The following APPL1 variants were observed in gnomAD, a reference collection of about 807,000 sequenced individuals.
The protein encoded by APPL1 is DCC-interacting protein 13-alpha.
APPL1 carries 42 observed loss-of-function variants against 106.8 expected under a neutral mutation model. That is an observed-to-expected ratio of 0.39 (90% CI 0.31 to 0.51). The LOEUF (loss-of-function observed/expected upper bound fraction) is 0.51, where lower values mean the gene tolerates loss of function less well. Ranked by LOEUF, APPL1 falls within the 20% of genes least tolerant of loss-of-function variation. The pLI is 0.75. For synonymous variants in APPL1, 263 were observed against 281.8 expected, an observed-to-expected ratio of 0.93 and a Z score of 0.67; for missense variants, 769 against 858.2, an observed-to-expected ratio of 0.90 and a Z score of 1.30.
chr3:57,236,185 C>T (rs576447941), intron 2 of APPL1, among the ~76,000 whole-genome samples: 17 of 152,090 alleles, frequency 1.1e-4, no homozygotes, highest in African/African-American at 4.1e-4. Flanking sequence ...GCTGGGATTA[C>T]AGGCATGCAC....
At chr3:57,260,087 T>G in intron 17 of APPL1, 30 bp from the exon 18 acceptor site, 1 of 1,605,738 alleles carries the variant, frequency 6.2e-7, no homozygotes, top group Non-Finnish European at 8.5e-7. Flanking sequence ...AATTAAAATT[T>G]GTTTTCCAAT....
At position 57,227,740 on chromosome 3, in the gene APPL1, C is replaced by T. The variant is rs554193687; in HGVS notation, c.-144C>T. On this transcript the variant is annotated 5_prime_UTR_variant, in exon 1 of 22. Transcript: ENST00000288266. Reference sequence around the variant, plus strand: ...GGGCGGGATTTCCCGCACGGCCGCTCGGCGCCTGGAGAAGGCTGTGCGGGC... The same window carrying T: ...GGGCGGGATTTCCCGCACGGCCGCTTGGCGCCTGGAGAAGGCTGTGCGGGC... The T allele has an allele frequency of 2.2e-3, 1,407 of 649,572 alleles. 6 individuals are homozygous for T. The highest frequency in any genetic ancestry group is 2.8e-3 in the Non-Finnish European group (1,272 of 455,632). The allele number at this position is 649,572 out of a possible 1,614,324, so 40.2% of individuals were successfully genotyped here.
chr3:57,258,252 G>A (rs1349227689), intron 15 of APPL1, among the ~76,000 whole-genome samples: 3 of 152,064 alleles, frequency 2.0e-5, no homozygotes, highest in Non-Finnish European at 4.4e-5. Flanking sequence ...TGACCTTCTG[G>A]GCTCAAGGGA....
chr3:57,240,472 C>G lies in APPL1; in HGVS notation c.293C>G (p.Ser98Cys). The G allele has an allele frequency of 6.2e-7, 1 of 1,613,644 alleles. No homozygotes were observed. The highest frequency in any genetic ancestry group is 8.5e-7 in the Non-Finnish European group (1 of 1,179,702). ...TGGTCTTTCTTTTTCTAGCTTAGCT[C>G]TTGTCATGCAGTGCTTTCAACTCAA... ...QFSKVIDELS[S>C]CHAVLSTQLA... The change falls in exon 5 of 22, where the codon TCT becomes TGT. Residue 98 changes from serine (S) to cysteine (C), a missense_variant. Ser to Cys is a moderately radical substitution (Grantham distance 112, BLOSUM62 -1). Coordinates refer to ENST00000288266, the MANE Select transcript of APPL1 (RefSeq NM_012096.3).
chr3:57,266,840 G>GCT (rs1437692165), intron 19 of APPL1, among the ~76,000 whole-genome samples: 1 of 152,114 alleles, frequency 6.6e-6, no homozygotes, highest in Non-Finnish European at 1.5e-5. Flanking sequence ...ACCATTTATT[G>GCT]AAGAGGATAT....
chr3:57,263,177 A>T (rs1226658963), intron 19 of APPL1, among the ~76,000 whole-genome samples: 1 of 152,132 alleles, frequency 6.6e-6, no homozygotes, highest in African/African-American at 2.4e-5. Context: ...GCAGTACATG[A>T]AATATTTTGC....
intron 11 of APPL1, among the ~76,000 whole-genome samples, chr3:57,251,450 A>G (rs2107604606): frequency 6.6e-6 from 1 of 150,520 alleles, no homozygotes; most frequent in Admixed American, 6.6e-5. Flanking sequence ...GCTTGAACCC[A>G]GGAGGCAGAG....
chr3:57,229,263 TG>T (rs2060671882), intron 1 of APPL1, among the ~76,000 whole-genome samples: 1 of 152,216 alleles, frequency 6.6e-6, no homozygotes, highest in Non-Finnish European at 1.5e-5. Context: ...AGGTGTACTT[TG>T]TCATTTTACT....
chr3:57,239,886 T>C (rs577390086), intron 4 of APPL1, among the ~76,000 whole-genome samples: 4 of 152,302 alleles, frequency 2.6e-5, no homozygotes, highest in South Asian at 2.1e-4. Context: ...TTAAAAATTA[T>C]GGCCATCTGA....
At chr3:57,233,540 C>G (rs6784630) in intron 1 of APPL1, among the ~76,000 whole-genome samples, 55,651 of 150,980 alleles carry the variant, frequency 0.37, 12,170 homozygotes, top group East Asian at 0.85. Flanking sequence ...AAGAATGGCA[C>G]TAGCCAAACA....
chr3:57,252,903 T>C (rs1395836883), intron 12 of APPL1, among the ~76,000 whole-genome samples: 1 of 152,222 alleles, frequency 6.6e-6, no homozygotes, highest in Non-Finnish European at 1.5e-5. Flanking sequence ...CTTAGCTTGA[T>C]TTTTAGCCTT....
chr3:57,256,379 T>A (rs899359731), intron 13 of APPL1, among the ~76,000 whole-genome samples: 5 of 152,232 alleles, frequency 3.3e-5, no homozygotes, highest in Non-Finnish European at 5.9e-5. Flanking sequence ...AAAGTATTTC[T>A]TATGGAAAGC....
chr3:57,247,381 TC>T lies in APPL1; in HGVS notation c.622-10del. ...TTTTGTATTGTTCAATTCCCCCCAC[TC>T]CCCACTCTCCAGATAAGTTTCTTTA... On this transcript the variant is annotated splice_polypyrimidine_tract_variant and intron_variant, in intron 8 of 21. Coordinates refer to ENST00000288266, the MANE Select transcript of APPL1 (RefSeq NM_012096.3). 6.5e-7 allele frequency: 1 copy of T among 1,536,268 alleles called. No homozygotes were observed. Among genetic ancestry groups the T allele is most frequent in the Non-Finnish European group, 9.0e-7 (1 of 1,113,768 alleles).
chr3:57,238,022 C>T, intron 3 of APPL1, 23 bp from the exon 4 acceptor site: 2 of 1,574,962 alleles, frequency 1.3e-6, no homozygotes, highest in South Asian at 1.2e-5. Flanking sequence ...GAAACTTTAC[C>T]TCATCTGTTT....
rs2060842127 is a variant in APPL1, at chr3:57,257,280, T to G, written c.1282T>G (p.Ser428Ala). The G allele has an allele frequency of 2.5e-6, 4 of 1,614,092 alleles. No individual in the cohort carries two copies. The highest frequency in any genetic ancestry group is 3.4e-6 in the Non-Finnish European group (4 of 1,179,998). Residue 428 changes from serine (S) to alanine (A), a missense_variant, in exon 15 of 22, where the codon TCA becomes GCA. By Grantham distance (99) the Ser-to-Ala change is moderately conservative. Coordinates refer to ENST00000288266, the MANE Select transcript of APPL1 (RefSeq NM_012096.3). ...GCCACCGACAGCTCGAACCAGCAGT[T>G]CAGGATCCTTAGGATCTGAGTCTAC... ...SRPPTARTSS[S>A]GSLGSESTNL...
At position 57,259,049 on chromosome 3, in the gene APPL1, A is replaced by C. The variant is rs1467124665; in HGVS notation, c.1452A>C (p.Glu484Asp). 1.2e-6 allele frequency: 2 copies of C among 1,613,070 alleles called. No homozygotes were observed. Among genetic ancestry groups the C allele is most frequent in the Non-Finnish European group, 1.7e-6 (2 of 1,179,648 alleles). Residue 484 changes from glutamate to aspartate, a missense_variant, in exon 16 of 22, where the codon GAA becomes GAC. By Grantham distance (45) the Glu-to-Asp change is conservative. Coordinates refer to ENST00000288266, the MANE Select transcript of APPL1 (RefSeq NM_012096.3). ...QGGRRTNPFG[E>D]SGGSTKSETE... is the part of the protein sequence containing the mutation. ...TTAGGCGTACAAATCCATTTGGAGA[A>C]TCTGGAGGAAGTACAAAATCTGAAA...
At chr3:57,268,323 T>G in intron 20 of APPL1, 75 bp from the exon 21 acceptor site, 1 of 1,358,104 alleles carries the variant, frequency 7.4e-7, no homozygotes, top group Non-Finnish European at 9.9e-7. Flanking sequence ...GGTTACCATG[T>G]GATATTAACT....
intron 19 of APPL1, among the ~76,000 whole-genome samples, chr3:57,263,980 T>C (rs2060881897): frequency 6.6e-6 from 1 of 152,190 alleles, no homozygotes. Flanking sequence ...TTCTCCATAG[T>C]GGTTATACTA....
rs113307246 is a variant in APPL1 at position 57,227,733 on chromosome 3, G to C, written c.-151G>C. The C allele has an allele frequency of 4.6e-3, 2,754 of 599,518 alleles. 9 individuals are homozygous for C. The highest frequency in any genetic ancestry group is 5.3e-3 in the Non-Finnish European group (2,156 of 410,590). The allele number at this position is 599,518 out of a possible 1,614,324, so 37.1% of individuals were successfully genotyped here. A position where few individuals can be genotyped will look rare whatever the true frequency, so the allele number is the denominator to read the frequency against. ...GCCGAGGGGGCGGGATTTCCCGCAC[G>C]GCCGCTCGGCGCCTGGAGAAGGCTG... is the stretch of plus-strand genomic sequence containing the variant. On this transcript the variant is annotated 5_prime_UTR_variant, in exon 1 of 22. Coordinates refer to ENST00000288266, the MANE Select transcript of APPL1 (RefSeq NM_012096.3).
Sources: gnomAD v4.1 joint callset for allele counts (sites outside exome capture counted in the v4.1 genomes callset) on GRCh38, gnomAD v4.1.1 for gene constraint, MANE v1.5 for transcripts, NCBI Gene and HGNC (gene_info 2026-07-23, HGNC 2026-07-21) for gene names.